The following MMRN1 variants were observed in gnomAD, a reference collection of about 807,000 sequenced individuals.
The protein encoded by MMRN1 is multimerin 1, also known as multimerin-1.
In MMRN1, 94 loss-of-function variants were observed where a neutral mutation model predicts 100.7. The observed-to-expected ratio is 0.93, with a 90% CI of 0.79 to 1.11. MMRN1 has a LOEUF of 1.11. Ranked by LOEUF, MMRN1 falls within the 50% of genes least tolerant of loss-of-function variation. MMRN1 has a pLI of 0.00. For synonymous variants in MMRN1, 575 were observed against 505.0 expected, an observed-to-expected ratio of 1.14 and a Z score of -1.86; for missense variants, 1,606 against 1,439.1, an observed-to-expected ratio of 1.12 and a Z score of -1.88.
At chr4:89,900,394 A>G (rs1354231471) in intron 1 of MMRN1, among the ~76,000 whole-genome samples, 1 of 152,042 alleles carries the variant, frequency 6.6e-6, no homozygotes, top group African/African-American at 2.4e-5. Flanking sequence ...CTCTTTCTGC[A>G]CCTTTTATAA....
intron 6 of MMRN1, among the ~76,000 whole-genome samples, chr4:89,946,018 A>T (rs1722974574): frequency 6.6e-6 from 1 of 152,218 alleles, no homozygotes; most frequent in Non-Finnish European, 1.5e-5. Flanking sequence ...AAAACAAATA[A>T]ATGTTAGTAT....
chr4:89,925,302 A>ATTTTTTTTTTTTTT (rs1176427401), intron 4 of MMRN1, among the ~76,000 whole-genome samples: 1 of 101,962 alleles, frequency 9.8e-6, no homozygotes, highest in African/African-American at 4.4e-5. Context: ...TGCCTGGTTA[A>ATTTTTTTTTTTTTT]TTTTTTTTTT....
Position 89,895,502 on chromosome 4 carries a change from A to G in MMRN1, c.531A>G (p.Arg177=). The change falls in exon 1 of 8, where the codon CGA becomes CGG. Residue 177 remains arginine (R), a synonymous_variant. Transcript: ENST00000264790. ...GVGGTGGVGN[R]APRETYLSRG... The stretch of plus-strand genomic sequence containing the variant: ...GAGGCACTGGAGGCGTGGGAAATCG[A>G]GCCCCACGGGAAACATACCTCAGCC... 6.2e-7 allele frequency: 1 copy of G among 1,613,810 alleles called. No homozygotes were observed. Among genetic ancestry groups the G allele is most frequent in the Non-Finnish European group, 8.5e-7 (1 of 1,179,902 alleles).
intron 1 of MMRN1, among the ~76,000 whole-genome samples, chr4:89,900,163 G>A (rs914100318): frequency 6.6e-6 from 1 of 152,064 alleles, no homozygotes; most frequent in African/African-American, 2.4e-5. Context: ...GGCAACAACT[G>A]CTATCTGACC....
intron 5 of MMRN1, among the ~76,000 whole-genome samples, chr4:89,933,140 A>C (rs1722494964): frequency 1.3e-5 from 2 of 152,088 alleles, no homozygotes; most frequent in South Asian, 4.1e-4. Context: ...CATTTCTCTC[A>C]AGTTCAAAGT....
intron 3 of MMRN1, among the ~76,000 whole-genome samples, chr4:89,920,420 T>C (rs996306826): frequency 1.3e-5 from 2 of 152,110 alleles, no homozygotes; most frequent in Admixed American, 1.3e-4. Flanking sequence ...TTCATATGTT[T>C]CCATGCTTAA....
Position 89,936,816 on chromosome 4 carries a change from A to C in MMRN1, c.3118+18A>C. The C allele has an allele frequency of 6.5e-7, 1 of 1,548,852 alleles. No homozygotes were observed. Among genetic ancestry groups the C allele is most frequent in the South Asian group, 1.3e-5 (1 of 78,748 alleles). The stretch of plus-strand genomic sequence containing the variant: ...ATATCCTGGTAAGCTGTTACTGAAA[A>C]GTAACTTTTAATCTCTCTTTTTACT... On this transcript the variant is annotated intron_variant, in intron 6 of 7. Coordinates refer to ENST00000264790, the MANE Select transcript of MMRN1 (RefSeq NM_007351.3).
chr4:89,945,868 G>A (rs1202644037), intron 6 of MMRN1, among the ~76,000 whole-genome samples: 1 of 152,062 alleles, frequency 6.6e-6, no homozygotes, highest in African/African-American at 2.4e-5. Context: ...CAATTGGTGT[G>A]ATATAAAAAG....
At chr4:89,909,821 A>G (rs1190220035) in intron 2 of MMRN1, among the ~76,000 whole-genome samples, 2 of 151,492 alleles carry the variant, frequency 1.3e-5, no homozygotes, top group Non-Finnish European at 3.0e-5. Context: ...TTCTAAAATT[A>G]GGAGAGCTTC....
At chr4:89,883,793 A>G (rs951789333) in intron 1 of MMRN1, among the ~76,000 whole-genome samples, 1 of 152,114 alleles carries the variant, frequency 6.6e-6, no homozygotes, top group African/African-American at 2.4e-5. Flanking sequence ...TGTTTTCCGT[A>G]TCTATCAAAT....
intron 1 of MMRN1, among the ~76,000 whole-genome samples, chr4:89,898,338 G>C (rs1401081928): frequency 6.6e-6 from 1 of 151,908 alleles, no homozygotes; most frequent in Admixed American, 6.6e-5. Flanking sequence ...TTTACAGAGG[G>C]ATTAAGTAGC....
At chr4:89,909,464 T>C in intron 2 of MMRN1, 69 bp downstream of exon 2, 6 of 1,551,054 alleles carry the variant, frequency 3.9e-6, no homozygotes, top group Admixed American at 1.8e-5. Flanking sequence ...GAATATATAA[T>C]GTTATTCATG....
chr4:89,899,024 A>G (rs528277572), intron 1 of MMRN1, among the ~76,000 whole-genome samples: 1 of 152,222 alleles, frequency 6.6e-6, no homozygotes, highest in Admixed American at 6.5e-5. Flanking sequence ...CTTCCCAAAT[A>G]TTTGCATTTG....
chr4:89,920,226 T>G (rs1309531230), intron 3 of MMRN1, among the ~76,000 whole-genome samples: 2 of 152,148 alleles, frequency 1.3e-5, no homozygotes, highest in Admixed American at 6.6e-5. Flanking sequence ...TTTTAACAAT[T>G]GGCCGACCAC....
intron 3 of MMRN1, 23 bp from the exon 4 acceptor site, chr4:89,923,145 C>G (rs907184540): frequency 7.5e-6 from 12 of 1,597,982 alleles, no homozygotes; most frequent in African/African-American, 1.3e-5. Flanking sequence ...AACTGTCTCT[C>G]TTCTCTTTCT....
upstream of MMRN1, among the ~76,000 whole-genome samples, chr4:89,891,322 C>T (rs897510148): frequency 2.0e-5 from 3 of 151,896 alleles, no homozygotes; most frequent in Non-Finnish European, 4.4e-5. Context: ...CCCTCTTCAA[C>T]CCATTTGTTA....
Position 89,935,126 on chromosome 4 carries a change from A to G in MMRN1, c.1446A>G (p.Glu482=). 6.2e-7 allele frequency: 1 copy of G among 1,613,676 alleles called. No homozygotes were observed. The highest frequency in any genetic ancestry group is 8.5e-7 in the Non-Finnish European group (1 of 1,179,762). ...LTCEKPIKEL[E]VKQTHLEGAL... ...GTGAGAAGCCTATTAAAGAACTAGA[A>G]GTAAAGCAGACTCATTTAGAAGGTG... is the stretch of plus-strand genomic sequence containing the variant. Residue 482 remains glutamate, a synonymous_variant, in exon 6 of 8, where the codon GAA becomes GAG. Transcript: ENST00000264790.
At chr4:89,951,874 A>C in intron 7 of MMRN1, 123 bp downstream of exon 7, 1 of 1,137,118 alleles carries the variant, frequency 8.8e-7, no homozygotes, top group South Asian at 1.7e-5. Context: ...AATTCCTTTT[A>C]CTTTTTCGAA....
chr4:89,935,263 A>T lies in MMRN1; in HGVS notation c.1583A>T (p.Asp528Val), dbSNP rs1313421272. The T allele has an allele frequency of 1.2e-6, 2 of 1,613,694 alleles. No homozygotes were observed. The highest frequency in any genetic ancestry group is 2.7e-5 in the African/African-American group (2 of 74,912). ...EQLLSTEQVS[D>V]QKNAPAAESV... is the part of the protein sequence containing the mutation. ...CTTTTATCAACTGAACAGGTATCAG[A>T]CCAGAAGAATGCTCCAGCTGCTGAG... The change falls in exon 6 of 8, where the codon GAC becomes GTC. Residue 528 changes from aspartate to valine, a missense_variant. By Grantham distance (152) the Asp-to-Val change is radical. Transcript: ENST00000264790.
Sources: allele counts gnomAD v4.1 joint callset (sites outside exome capture counted in the v4.1 genomes callset), GRCh38; gene constraint gnomAD v4.1.1; transcripts MANE v1.5; gene names NCBI Gene and HGNC (gene_info 2026-07-23, HGNC 2026-07-21).